The following TREH variants were observed in gnomAD, a reference collection of about 807,000 sequenced individuals.
TREH encodes alpha,alpha-trehalose glucohydrolase.
A neutral mutation model predicts 80.5 loss-of-function variants in TREH; 69 were observed. The ratio of observed to expected loss-of-function variants is 0.86; its 90% CI spans 0.71 to 1.05. The LOEUF is 1.05. TREH is among the 50% of genes least tolerant of loss of function. The pLI is 0.00. For synonymous variants in TREH, 309 were observed against 293.5 expected (o/e 1.05, Z -0.54); for missense variants, 716 against 718.8 (o/e 1.00, Z 0.04).
rs1439125281 is a variant in TREH, at chr11:118,658,127, A to G, written c.*162T>C. 2 of 985,580 alleles carry G rather than the reference A, an allele frequency of 2.0e-6. No homozygotes were observed. The highest frequency in any genetic ancestry group is 3.3e-5 in the African/African-American group (2 of 60,768). 61.1% of individuals were successfully genotyped at this position (985,580 alleles called of 1,614,324 possible). A position where few individuals can be genotyped will look rare whatever the true frequency, so the allele number is the denominator to read the frequency against. Reference sequence around the variant, plus strand: ...CACCCTATTCAAGGTTCCAGGAGGGAGCTAGGCCCCTACCCATGACCTCCA... The same window carrying G: ...CACCCTATTCAAGGTTCCAGGAGGGGGCTAGGCCCCTACCCATGACCTCCA... On this transcript the variant is annotated 3_prime_UTR_variant, in exon 15 of 15. Coordinates refer to ENST00000264029, the MANE Select transcript of TREH (RefSeq NM_007180.3).
chr11:118,661,266 G>C lies in TREH; in HGVS notation c.751C>G (p.Leu251Val), dbSNP rs782596857. The C allele has an allele frequency of 6.2e-7, 1 of 1,614,010 alleles. No homozygotes were observed. The highest frequency in any genetic ancestry group is 8.5e-7 in the Non-Finnish European group (1 of 1,179,894). Reference sequence around the variant, plus strand: ...GTCCAAAAGTCCAATTCCAAGGCTAGTGTTTCAATGTTTTCCCTGGAGTGA... The same window carrying C: ...GTCCAAAAGTCCAATTCCAAGGCTACTGTTTCAATGTTTTCCCTGGAGTGA... ...TAFLQENIET[L>V]ALELDFWTKN... Residue 251 changes from leucine (L) to valine (V), a missense_variant, in exon 8 of 15, where the codon CTA becomes GTA. Transcript: ENST00000264029. This position sits in a 1 kb window ranked among gnomAD's most constrained non-coding sequence, Gnocchi z 4.2.
In TREH at chr11:118,659,034, G is replaced by A. The variant is rs1555144199; in HGVS notation, c.1433-17C>T. 6.2e-7 allele frequency: 1 copy of A among 1,611,344 alleles called. No individual in the cohort carries two copies. Among genetic ancestry groups the A allele is most frequent in the Admixed American group, 1.7e-5 (1 of 60,006 alleles). On this transcript the variant is annotated splice_polypyrimidine_tract_variant and intron_variant, in intron 12 of 14. Transcript: ENST00000264029. Reference sequence around the variant, plus strand: ...TGGCCAGGCCTAGACCCCATTGCAGGCAGGACTCAACCTCCAGGTCTCCCA... The same window carrying A: ...TGGCCAGGCCTAGACCCCATTGCAGACAGGACTCAACCTCCAGGTCTCCCA...
chr11:118,663,570 CGT>C (rs377260560), intron 1 of TREH, 131 bp from the exon 2 acceptor site: 6,369 of 638,062 alleles, frequency 1.0e-2, no homozygotes, highest in South Asian at 0.013. Context: ...TGTGTGCGTG[CGT>C]GTGTGTGTGT....
rs1949457844 is a variant in TREH, at chr11:118,674,405, A to G, written c.89+5134T>C. Among the ~76,000 whole-genome samples, 2 of 152,196 alleles carry G rather than the reference A, an allele frequency of 1.3e-5. No homozygotes were observed. Among genetic ancestry groups the G allele is most frequent in the South Asian group, 2.1e-4 (1 of 4,836 alleles). On this transcript the variant is annotated intron_variant, in intron 1 of 14. Coordinates refer to ENST00000264029, the MANE Select transcript of TREH (RefSeq NM_007180.3). This position sits in a 1 kb window ranked among gnomAD's most constrained non-coding sequence, Gnocchi z 4.4. Reference sequence around the variant, plus strand: ...AATATTGCTTGATGAGTGGATTTCCATACCTTCTGTTTTACAATACTAGGT... The same window carrying G: ...AATATTGCTTGATGAGTGGATTTCCGTACCTTCTGTTTTACAATACTAGGT...
chr11:118,665,258 C>T (rs1555145576), intron 1 of TREH, among the ~76,000 whole-genome samples: 2 of 152,146 alleles, frequency 1.3e-5, no homozygotes, highest in African/African-American at 2.4e-5. Context: ...CCCACATCAT[C>T]TCAACTACTT....
rs1949293673 is a variant in TREH, at chr11:118,659,788, A to G, written c.1279T>C (p.Ser427Pro). 1 of 1,585,572 alleles carries G rather than the reference A, an allele frequency of 6.3e-7. No individual in the cohort carries two copies. Among genetic ancestry groups the G allele is most frequent in the African/African-American group, 1.3e-5 (1 of 74,560 alleles). The change falls in exon 11 of 15, where the codon TCT becomes CCT. Residue 427 changes from serine (S) to proline (P), a missense_variant. Transcript: ENST00000264029. ...GCCTTGTCCGCCACGCCAGGGTCAG[A>G]GAAACACCCGGCCCAGAGTGGAGTG... The part of the protein sequence containing the change: ...NLTPLWAGCF[S>P]DPGVADKALK...
In TREH at chr11:118,663,391, C is replaced by A; in HGVS notation, c.138G>T (p.Lys46Asn). The A allele has an allele frequency of 6.3e-7, 1 of 1,597,684 alleles. No individual in the cohort carries two copies. The highest frequency in any genetic ancestry group is 8.5e-7 in the Non-Finnish European group (1 of 1,172,138). ...GELLNQVQMAKLYQDDKQFVD... is the reference protein window; with the variant it reads ...GELLNQVQMANLYQDDKQFVD... ...CAAACTGCTTGTCATCCTGGTAGAG[C>A]TTGGCCATTTGAACTTGGTTTAGGA... Residue 46 changes from lysine to asparagine, a missense_variant, in exon 2 of 15, where the codon AAG becomes AAT. Transcript: ENST00000264029.
intron 4 of TREH, among the ~76,000 whole-genome samples, chr11:118,662,257 G>T (rs1169782164): frequency 7.6e-6 from 1 of 131,164 alleles, no homozygotes. Context: ...CACTGGGCAG[G>T]TATCCACCAA....
chr11:118,675,000 A>G lies in TREH; in HGVS notation c.89+4539T>C, dbSNP rs1395841689. 6.6e-6 allele frequency among the ~76,000 whole-genome samples: 1 copy of G among 152,212 alleles called. No homozygotes were observed. Among genetic ancestry groups the G allele is most frequent in the Non-Finnish European group, 1.5e-5 (1 of 68,036 alleles). On this transcript the variant is annotated intron_variant, in intron 1 of 14. Coordinates refer to ENST00000264029, the MANE Select transcript of TREH (RefSeq NM_007180.3). This position sits in a 1 kb window ranked among gnomAD's most constrained non-coding sequence, Gnocchi z 4.4. ...GTTTGGCTATTAGAGATAAAAGTCTATAGGGATTGTATATTTGCTTTTCTT... is the reference window on the plus strand; with the variant it reads ...GTTTGGCTATTAGAGATAAAAGTCTGTAGGGATTGTATATTTGCTTTTCTT...
chr11:118,666,075 A>G (rs1172047426), intron 1 of TREH, among the ~76,000 whole-genome samples: 2 of 152,194 alleles, frequency 1.3e-5, no homozygotes, highest in Admixed American at 6.5e-5. Context: ...CGTCTCTACT[A>G]AAAATACAAA....
At position 118,661,657 on chromosome 11, in the gene TREH, G is replaced by C; in HGVS notation, c.597C>G (p.Asn199Lys). 1 of 1,613,950 alleles carries C rather than the reference G, an allele frequency of 6.2e-7. No homozygotes were observed. ...MAETVKGMLQ[N>K]FLDLVKTYGH... ...CTCACGTTTTCACCAGGTCCAAGAA[G>C]TTCTGCAGCATGCCCTTCACCGTCT... Residue 199 changes from asparagine (N) to lysine (K), a missense_variant, in exon 6 of 15, where the codon AAC becomes AAG. Coordinates refer to ENST00000264029, the MANE Select transcript of TREH (RefSeq NM_007180.3). This position sits in a 1 kb window ranked among gnomAD's most constrained non-coding sequence, Gnocchi z 4.2.
intron 1 of TREH, among the ~76,000 whole-genome samples, chr11:118,673,132 C>A (rs781883076): frequency 6.6e-6 from 1 of 152,210 alleles, no homozygotes; most frequent in Non-Finnish European, 1.5e-5. Context: ...TTTTAGATAG[C>A]ACATGCTTCA....
Position 118,659,775 on chromosome 11 carries a change from A to G in TREH, c.1292T>C (p.Val431Ala). The change falls in exon 11 of 15, where the codon GTG becomes GCG. Residue 431 changes from valine (V) to alanine (A), a missense_variant. By Grantham distance (64) the Val-to-Ala change is moderately conservative (BLOSUM62 0). Coordinates refer to ENST00000264029, the MANE Select transcript of TREH (RefSeq NM_007180.3). ...LWAGCFSDPG[V>A]ADKALKYLED... is the part of the protein sequence containing the mutation. ...CAGGTATTTCAGAGCCTTGTCCGCC[A>G]CGCCAGGGTCAGAGAAACACCCGGC... 1 of 1,583,466 alleles carries G rather than the reference A, an allele frequency of 6.3e-7. No individual in the cohort carries two copies. The highest frequency in any genetic ancestry group is 1.2e-5 in the South Asian group (1 of 86,588).
chr11:118,659,285 T>C, intron 12 of TREH, 85 bp downstream of exon 12: 2 of 1,213,726 alleles, frequency 1.6e-6, no homozygotes, highest in Non-Finnish European at 2.3e-6. Context: ...CTCTTGTGTC[T>C]TTTGTTCATG....
chr11:118,661,261 G>A lies in TREH; in HGVS notation c.756C>T (p.Ala252=). ...AFLQENIETL[A]LELDFWTKNR... ...TCTTGGTCCAAAAGTCCAATTCCAA[G>A]GCTAGTGTTTCAATGTTTTCCCTGG... Residue 252 remains alanine, a synonymous_variant, in exon 8 of 15, where the codon GCC becomes GCT. Transcript: ENST00000264029. The surrounding 1 kb of genome is among the most constrained non-coding windows in gnomAD (Gnocchi z 4.2). 6.2e-7 allele frequency: 1 copy of A among 1,613,998 alleles called. No individual in the cohort carries two copies.
rs2137264358 is a variant in TREH, at chr11:118,661,619, G to A, written c.617+18C>T. The A allele has an allele frequency of 3.1e-6, 5 of 1,613,868 alleles. No homozygotes were observed. Among genetic ancestry groups the A allele is most frequent in the South Asian group, 1.1e-5 (1 of 91,078 alleles). ...CCTCTCCTCCCCACCTAGGCTGGAG[G>A]TGCCTGGCCCCCCTCACGTTTTCAC... On this transcript the variant is annotated intron_variant, in intron 6 of 14. Transcript: ENST00000264029. The surrounding 1 kb of genome is among the most constrained non-coding windows in gnomAD (Gnocchi z 4.2).
At position 118,660,567 on chromosome 11, in the gene TREH, C is replaced by G. The variant is rs1555144680; in HGVS notation, c.1074G>C (p.Glu358Asp). 2 of 1,609,054 alleles carry G rather than the reference C, an allele frequency of 1.2e-6. No individual in the cohort carries two copies. Among genetic ancestry groups the G allele is most frequent in the South Asian group, 1.1e-5 (1 of 90,024 alleles). Reference sequence around the variant, plus strand: ...GCCTGGAATAGAAGTTGCTCATCAGCTCCTCTGCTTGGCATAGGAAGGCAT... The same window carrying G: ...GCCTGGAATAGAAGTTGCTCATCAGGTCCTCTGCTTGGCATAGGAAGGCAT... ...DLNAFLCQAE[E>D]LMSNFYSRLG... Residue 358 changes from glutamate (E) to aspartate (D), a missense_variant, in exon 10 of 15, where the codon GAG becomes GAC. Physicochemically the swap from Glu to Asp is conservative, Grantham distance 45 (BLOSUM62 2). Coordinates refer to ENST00000264029, the MANE Select transcript of TREH (RefSeq NM_007180.3).
rs1399628614 is a variant in TREH, at chr11:118,658,312, G to A, written c.1729C>T (p.Leu577=). 3.1e-6 allele frequency: 5 copies of A among 1,589,298 alleles called. No homozygotes were observed. The highest frequency in any genetic ancestry group is 1.3e-5 in the African/African-American group (1 of 74,480). ...CLAATLLPSL[L]LSLLPW ...TGTCACCATGGCAGGAGGCTGAGCA[G>A]GAGGCTGGGCAGAAGGGTGGCCGCC... is the stretch of plus-strand genomic sequence containing the variant. The change falls in exon 15 of 15, where the codon CTG becomes TTG. Residue 577 remains leucine, a synonymous_variant. Transcript: ENST00000264029.
intron 1 of TREH, 29 bp from the exon 2 acceptor site, chr11:118,663,468 G>A: frequency 6.5e-7 from 1 of 1,528,240 alleles, no homozygotes; most frequent in Non-Finnish European, 8.9e-7. Flanking sequence ...GAGCAGGTCA[G>A]GTCACCACCA....
Sources: allele counts gnomAD v4.1 joint callset (sites outside exome capture counted in the v4.1 genomes callset), GRCh38; gene constraint gnomAD v4.1.1; non-coding constraint Gnocchi (gnomAD v3.1); transcripts MANE v1.5; gene names NCBI Gene and HGNC (gene_info 2026-07-23, HGNC 2026-07-21).